Variants in SPATA16 observed in about 807,000 individuals in gnomAD.
The protein encoded by SPATA16 is spermatogenesis-associated protein 16.
In SPATA16, 36 loss-of-function variants were observed where a neutral mutation model predicts 63.3. That is an observed-to-expected ratio of 0.57 (90% confidence interval 0.44 to 0.75). SPATA16 has a LOEUF of 0.75. Ranked by LOEUF, SPATA16 falls within the 30% of genes least tolerant of loss-of-function variation. SPATA16 has a pLI of 0.00. For synonymous variants in SPATA16, 203 were observed against 216.7 expected (o/e 0.94, Z 0.56); for missense variants, 646 against 679.3 (o/e 0.95, Z 0.54).
intron 4 of SPATA16, among the ~76,000 whole-genome samples, chr3:172,978,161 CTA>C (rs56787481): frequency 1.9e-4 from 28 of 147,226 alleles, no homozygotes; most frequent in South Asian, 1.7e-3. Flanking sequence ...CTCTCTCTCT[CTA>C]TATATATATA....
At chr3:173,128,423 G>T (rs925222966) in intron 1 of SPATA16, among the ~76,000 whole-genome samples, 1 of 152,120 alleles carries the variant, frequency 6.6e-6, no homozygotes, top group African/African-American at 2.4e-5. Context: ...CTCACAAAAA[G>T]TTCATAGTTT....
intron 1 of SPATA16, among the ~76,000 whole-genome samples, chr3:173,124,107 C>T (rs1017310879): frequency 2.0e-5 from 3 of 152,158 alleles, no homozygotes; most frequent in Non-Finnish European, 4.4e-5. Context: ...GGCATCAAAG[C>T]AACTGTACTT....
chr3:172,972,606 C>T (rs962168917), intron 5 of SPATA16, among the ~76,000 whole-genome samples: 1 of 152,064 alleles, frequency 6.6e-6, no homozygotes, highest in Non-Finnish European at 1.5e-5. Context: ...ACCTTAGGCA[C>T]ATAAATTAAA....
intron 3 of SPATA16, among the ~76,000 whole-genome samples, chr3:173,045,873 A>T (rs1735945879): frequency 2.0e-5 from 3 of 152,152 alleles, no homozygotes; most frequent in Non-Finnish European, 2.9e-5. Flanking sequence ...TAAGTTTTTT[A>T]AAATGAATGA....
intron 2 of SPATA16, among the ~76,000 whole-genome samples, chr3:173,054,707 C>T (rs1271194178): frequency 2.0e-5 from 3 of 151,852 alleles, no homozygotes; most frequent in Non-Finnish European, 2.9e-5. Flanking sequence ...CACACGTGTA[C>T]GTATGCAACA....
At chr3:173,001,272 T>TTTTTTTG (rs1560092806) in intron 4 of SPATA16, among the ~76,000 whole-genome samples, 1 of 151,640 alleles carries the variant, frequency 6.6e-6, no homozygotes. Context: ...TCAGTTGTTT[T>TTTTTTTG]TTTTTTTTTG....
At chr3:173,070,096 C>T (rs962332687) in intron 2 of SPATA16, among the ~76,000 whole-genome samples, 1 of 151,978 alleles carries the variant, frequency 6.6e-6, no homozygotes, top group African/African-American at 2.4e-5. Context: ...TGAAACATGA[C>T]AAAGTTACCC....
intron 6 of SPATA16, among the ~76,000 whole-genome samples, chr3:172,939,064 G>A (rs548490895): frequency 2.6e-5 from 4 of 152,172 alleles, no homozygotes; most frequent in East Asian, 3.9e-4. Context: ...CTTATGACCC[G>A]GGAGCCCCCG....
In SPATA16 at chr3:173,117,742, C is replaced by A. The variant is rs1020118472; in HGVS notation, c.-11G>T. ...GCTTCCTGCATCCATCGATCCTGCC[C>A]AAAACTCCTGCAGGGGGGAGAAAAA... On this transcript the variant is annotated 5_prime_UTR_variant, in exon 2 of 11. Transcript: ENST00000351008. The A allele has an allele frequency of 1.2e-6, 2 of 1,614,004 alleles. No homozygotes were observed. Among genetic ancestry groups the A allele is most frequent in the Non-Finnish European group, 1.7e-6 (2 of 1,179,964 alleles).
intron 10 of SPATA16, among the ~76,000 whole-genome samples, chr3:172,898,467 G>T (rs1732054894): frequency 6.6e-6 from 1 of 151,834 alleles, no homozygotes; most frequent in South Asian, 2.1e-4. Flanking sequence ...TGAGAAATTG[G>T]TATATTTATC....
chr3:173,121,512 C>T (rs552161643), intron 1 of SPATA16, among the ~76,000 whole-genome samples: 34 of 152,124 alleles, frequency 2.2e-4, no homozygotes, highest in Non-Finnish European at 4.9e-4. Context: ...CCATTTTTAC[C>T]TCCTCAGAAT....
intron 4 of SPATA16, among the ~76,000 whole-genome samples, chr3:173,006,649 CA>C (rs1471424042): frequency 6.6e-6 from 1 of 152,076 alleles, no homozygotes; most frequent in African/African-American, 2.4e-5. Context: ...TCCCTGACAC[CA>C]AAAAAGCTGA....
intron 10 of SPATA16, among the ~76,000 whole-genome samples, chr3:172,913,043 T>C (rs1219343007): frequency 1.3e-5 from 2 of 152,196 alleles, no homozygotes; most frequent in Non-Finnish European, 2.9e-5. Flanking sequence ...GGGAGTTGAT[T>C]GATCAGAACT....
chr3:172,968,652 A>G (rs554057473), intron 5 of SPATA16, among the ~76,000 whole-genome samples: 1 of 152,350 alleles, frequency 6.6e-6, no homozygotes, highest in South Asian at 2.1e-4. Flanking sequence ...CAGCACTCAC[A>G]GAACATCAAC....
At chr3:172,982,795 T>G (rs1420019445) in intron 4 of SPATA16, among the ~76,000 whole-genome samples, 3 of 152,214 alleles carry the variant, frequency 2.0e-5, no homozygotes, top group African/African-American at 7.2e-5. Context: ...ACAGATTGGA[T>G]ATTTCTAAGA....
chr3:172,893,535 C>A (rs1184547274), intron 10 of SPATA16, among the ~76,000 whole-genome samples: 1 of 152,184 alleles, frequency 6.6e-6, no homozygotes, highest in East Asian at 1.9e-4. Context: ...GTTGTTTAAG[C>A]CCCTCAGTTT....
chr3:172,898,890 C>G (rs766274907), intron 10 of SPATA16, among the ~76,000 whole-genome samples: 1 of 151,786 alleles, frequency 6.6e-6, no homozygotes, highest in Admixed American at 6.6e-5. Context: ...CTGTATCCCA[C>G]AAATTTTGAT....
chr3:172,918,387 T>G (rs1224298967), intron 8 of SPATA16, among the ~76,000 whole-genome samples: 1 of 152,182 alleles, frequency 6.6e-6, no homozygotes, highest in Non-Finnish European at 1.5e-5. Context: ...GCAACAGTTT[T>G]AGCCTGATTG....
At chr3:172,959,661 G>A (rs1037008483) in intron 5 of SPATA16, among the ~76,000 whole-genome samples, 2 of 151,988 alleles carry the variant, frequency 1.3e-5, no homozygotes, top group African/African-American at 4.8e-5. Context: ...GATGACCCTT[G>A]CACCAGATCT....
Sources: gnomAD v4.1 joint callset for allele counts (sites outside exome capture counted in the v4.1 genomes callset) on GRCh38, gnomAD v4.1.1 for gene constraint, MANE v1.5 for transcripts, NCBI Gene and HGNC (gene_info 2026-07-23, HGNC 2026-07-21) for gene names.